Variants in THSD4 observed in about 807,000 individuals in gnomAD.
THSD4 encodes the protein thrombospondin type-1 domain-containing protein 4.
In THSD4, 69 loss-of-function variants were observed where a neutral mutation model predicts 119.0. The ratio of observed to expected loss-of-function variants is 0.58; its 90% CI spans 0.48 to 0.71. The LOEUF is 0.71. Ranked by LOEUF, THSD4 falls within the 30% of genes least tolerant of loss-of-function variation. The pLI, the probability that THSD4 is intolerant of heterozygous loss-of-function variation, is 0.00. For missense variants in THSD4, 1,393 were observed against 1,391.1 expected, an observed-to-expected ratio of 1.00 and a Z score of -0.02; for synonymous variants, 524 against 540.4, an observed-to-expected ratio of 0.97 and a Z score of 0.42.
intron 6 of THSD4, among the ~76,000 whole-genome samples, chr15:71,332,416 G>A (rs1006505152): frequency 2.6e-5 from 4 of 152,192 alleles, no homozygotes; most frequent in Non-Finnish European, 4.4e-5. Context: ...ACATGGGTAC[G>A]TGTCTGTGTG....
intron 7 of THSD4, among the ~76,000 whole-genome samples, chr15:71,521,177 T>G (rs1199106670): frequency 2.0e-5 from 3 of 152,156 alleles, no homozygotes; most frequent in Non-Finnish European, 4.4e-5. Flanking sequence ...AAAGTAACAG[T>G]ACTCAGATAA....
At chr15:71,722,657 T>C (rs2052744316) in intron 8 of THSD4, among the ~76,000 whole-genome samples, 1 of 152,158 alleles carries the variant, frequency 6.6e-6, no homozygotes, top group African/African-American at 2.4e-5. Flanking sequence ...GTCCGTTACA[T>C]TGATTCAAAA....
chr15:71,288,596 G>A (rs9302255), intron 6 of THSD4, among the ~76,000 whole-genome samples: 21,047 of 152,064 alleles, frequency 0.14, 1,616 homozygotes, highest in African/African-American at 0.21. Flanking sequence ...CTCCTTTCTG[G>A]GACATAGAAT....
intron 7 of THSD4, among the ~76,000 whole-genome samples, chr15:71,518,266 G>T: frequency 6.7e-6 from 1 of 148,458 alleles, no homozygotes; most frequent in South Asian, 2.1e-4. Context: ...AATTCCTCTT[G>T]CTAATTTATA....
At chr15:71,379,080 G>A (rs113790876) in intron 6 of THSD4, among the ~76,000 whole-genome samples, 4 of 152,318 alleles carry the variant, frequency 2.6e-5, no homozygotes, top group East Asian at 1.9e-4. Context: ...CACCATGCCC[G>A]GCCAGAGGGT....
intron 6 of THSD4, among the ~76,000 whole-genome samples, chr15:71,290,934 C>G (rs961580722): frequency 7.5e-6 from 1 of 133,170 alleles, no homozygotes; most frequent in Admixed American, 8.5e-5. Flanking sequence ...ATTTAAAAGT[C>G]AAATAGCCCA....
intron 10 of THSD4, chr15:71,731,480 C>G (rs955412469): frequency 2.2e-6 from 1 of 456,290 alleles, no homozygotes; most frequent in Non-Finnish European, 4.1e-6. Context: ...ATTTGAAATG[C>G]TTTATACTAG....
chr15:71,256,592 A>G (rs1476707031), intron 5 of THSD4, 21 bp from the exon 6 acceptor site: 1 of 1,608,700 alleles, frequency 6.2e-7, no homozygotes, highest in East Asian at 2.2e-5. Flanking sequence ...CTAATTGCAT[A>G]TTTAATATCT....
At chr15:71,708,171 T>C (rs1324690866) in intron 8 of THSD4, among the ~76,000 whole-genome samples, 1 of 152,234 alleles carries the variant, frequency 6.6e-6, no homozygotes, top group African/African-American at 2.4e-5. Flanking sequence ...AGATTGGGAC[T>C]GCAGTCTGTG....
At chr15:71,432,684 A>G (rs1252675683) in intron 7 of THSD4, among the ~76,000 whole-genome samples, 2 of 152,132 alleles carry the variant, frequency 1.3e-5, no homozygotes, top group Non-Finnish European at 2.9e-5. Flanking sequence ...CCTATCCTGT[A>G]TAGTCAGCTT....
At chr15:71,188,042 G>C (rs987914263) in intron 3 of THSD4, among the ~76,000 whole-genome samples, 8 of 152,210 alleles carry the variant, frequency 5.3e-5, no homozygotes, top group Non-Finnish European at 7.3e-5. Flanking sequence ...TCTCAAAAGT[G>C]ATCCTGATTA....
chr15:71,578,282 G>C (rs114181926), intron 7 of THSD4, among the ~76,000 whole-genome samples: 2,386 of 147,306 alleles, frequency 0.016, 62 homozygotes, highest in African/African-American at 0.055. Flanking sequence ...TATCTTGGCA[G>C]TGGGGTAGCT....
chr15:71,496,260 A>G (rs1048078282), intron 7 of THSD4, among the ~76,000 whole-genome samples: 3 of 152,212 alleles, frequency 2.0e-5, no homozygotes, highest in Admixed American at 1.3e-4. Flanking sequence ...TTAATGTTTC[A>G]TATTAAAAAT....
intron 6 of THSD4, among the ~76,000 whole-genome samples, chr15:71,356,566 G>C (rs544499043): frequency 6.6e-6 from 1 of 152,304 alleles, no homozygotes; most frequent in East Asian, 1.9e-4. Context: ...AGAATGGAGA[G>C]AAGGAAGGAA....
At chr15:71,662,903 A>G (rs2051338523) in intron 8 of THSD4, among the ~76,000 whole-genome samples, 2 of 152,262 alleles carry the variant, frequency 1.3e-5, no homozygotes, top group African/African-American at 4.8e-5. Flanking sequence ...AAATTGTGGA[A>G]TAAACATTTC....
intron 6 of THSD4, among the ~76,000 whole-genome samples, chr15:71,325,487 G>A (rs962415718): frequency 2.6e-5 from 4 of 152,176 alleles, no homozygotes; most frequent in Non-Finnish European, 5.9e-5. Flanking sequence ...AGGCAAGTGT[G>A]GGGATGAAAA....
chr15:71,533,358 T>G (rs1479213615), intron 7 of THSD4, among the ~76,000 whole-genome samples: 5 of 152,198 alleles, frequency 3.3e-5, no homozygotes, highest in Non-Finnish European at 7.3e-5. Flanking sequence ...TGAAAATGGT[T>G]TCATCCTCGA....
intron 6 of THSD4, among the ~76,000 whole-genome samples, chr15:71,327,605 C>T (rs2045362568): frequency 6.6e-6 from 1 of 152,122 alleles, no homozygotes; most frequent in Non-Finnish European, 1.5e-5. Flanking sequence ...CATTTCCTTT[C>T]TTTTAGAAAC....
chr15:71,444,916 C>T (rs2047159392), intron 7 of THSD4, among the ~76,000 whole-genome samples: 1 of 152,146 alleles, frequency 6.6e-6, no homozygotes, highest in Non-Finnish European at 1.5e-5. Context: ...CCCACTCTAC[C>T]TCTCCCCATT....
Sources: gnomAD v4.1 joint callset for allele counts (sites outside exome capture counted in the v4.1 genomes callset) on GRCh38, gnomAD v4.1.1 for gene constraint, MANE v1.5 for transcripts, NCBI Gene and HGNC (gene_info 2026-07-23, HGNC 2026-07-21) for gene names.